ADCY8: variants seen among roughly 807,000 people sequenced by gnomAD.
ADCY8 encodes the protein adenylate cyclase type 8.
In ADCY8, 51 loss-of-function variants were observed where a neutral mutation model predicts 119.7. The observed-to-expected ratio is 0.43, with a 90% confidence interval of 0.34 to 0.54. ADCY8 has a LOEUF of 0.54. ADCY8 is among the 20% of genes least tolerant of loss of function. ADCY8 has a pLI of 0.03. For missense variants in ADCY8, 1,383 were observed against 1,598.8 expected, an observed-to-expected ratio of 0.87 and a Z score of 2.30; for synonymous variants, 665 against 651.0, an observed-to-expected ratio of 1.02 and a Z score of -0.33.
At chr8:130,876,372 C>G (rs1818566053) in intron 8 of ADCY8, among the ~76,000 whole-genome samples, 1 of 152,040 alleles carries the variant, frequency 6.6e-6, no homozygotes, top group Non-Finnish European at 1.5e-5. Context: ...TTCTGGGAGG[C>G]TATTTCTGGC....
At position 130,780,579 on chromosome 8, in the gene ADCY8, C is replaced by G. The variant is rs765782348; in HGVS notation, c.3567G>C (p.Gln1189His). ...FILPPRRLPG[Q>H]YSLAAVVLGL... ...CCAGGACAACCGCGGCCAGGGAGTACTGCCCAGGCAGTCTTCTTGGGGGCA... is the reference window on the plus strand; with the variant it reads ...CCAGGACAACCGCGGCCAGGGAGTAGTGCCCAGGCAGTCTTCTTGGGGGCA... The change falls in exon 18 of 18, where the codon CAG (glutamine) becomes CAC (histidine). Residue 1189 changes from glutamine to histidine, a missense_variant. Around this residue, in one of 2 missense-constraint regions of ADCY8, gnomAD observed 928 missense variants for 1,163.5 expected, o/e 0.80. Transcript: ENST00000286355. 1 of 1,614,194 alleles carries G rather than the reference C, an allele frequency of 6.2e-7. No individual in the cohort carries two copies. The highest frequency in any genetic ancestry group is 8.5e-7 in the Non-Finnish European group (1 of 1,180,022).
rs546054280 is a variant in ADCY8, at chr8:130,887,917, A to G, written c.1912-3156T>C. Among the ~76,000 whole-genome samples the G allele has an allele frequency of 3.3e-5, 5 of 152,282 alleles. No individual in the cohort carries two copies. The South Asian group carries it at 6.2e-4, about 19-fold the overall frequency. ...TTTGTAATCAGTAGTGGAGACAGGTATAACTTGTCTTATTTGTCTATTTAG... is the reference window on the plus strand; with the variant it reads ...TTTGTAATCAGTAGTGGAGACAGGTGTAACTTGTCTTATTTGTCTATTTAG... On this transcript the variant is annotated intron_variant, in intron 7 of 17. Coordinates refer to ENST00000286355, the MANE Select transcript of ADCY8 (RefSeq NM_001115.3).
intron 14 of ADCY8, among the ~76,000 whole-genome samples, chr8:130,804,608 C>A (rs1326264870): frequency 2.6e-5 from 4 of 152,182 alleles, no homozygotes; most frequent in African/African-American, 7.2e-5. Context: ...TGTAATTATG[C>A]AGTCCAGATC....
chr8:130,896,492 A>G (rs563416918), intron 7 of ADCY8, among the ~76,000 whole-genome samples: 94 of 152,302 alleles, frequency 6.2e-4, no homozygotes, highest in Non-Finnish European at 9.4e-4. Flanking sequence ...CTTTAGGGGC[A>G]GAAAGAAGAA....
Position 130,884,614 on chromosome 8 carries a change from G to T in ADCY8, c.2059C>A (p.His687Asn). The T allele has an allele frequency of 6.2e-7, 1 of 1,613,762 alleles. No individual in the cohort carries two copies. Among genetic ancestry groups the T allele is most frequent in the African/African-American group, 1.3e-5 (1 of 74,992 alleles). The change falls in exon 8 of 18, where the codon CAT becomes AAT. Residue 687 changes from histidine (H) to asparagine (N), a missense_variant. Physicochemically the swap from His to Asn is moderately conservative, Grantham distance 68. Coordinates refer to ENST00000286355, the MANE Select transcript of ADCY8 (RefSeq NM_001115.3). ...AACATCAGTGAGAATGGCTTGATATGCTCTCTTCTCAATTTATCGCCACTC... is the reference window on the plus strand; with the variant it reads ...AACATCAGTGAGAATGGCTTGATATTCTCTCTTCTCAATTTATCGCCACTC... The part of the protein sequence containing the change: ...LRSGDKLRRE[H>N]IKPFSLMFKD...
At chr8:130,930,125 A>G (rs1344766114) in intron 5 of ADCY8, among the ~76,000 whole-genome samples, 1 of 152,192 alleles carries the variant, frequency 6.6e-6, no homozygotes, top group African/African-American at 2.4e-5. Context: ...ATGCATTTAC[A>G]TTACATGTAG....
chr8:131,017,212 G>A (rs1220320090), intron 1 of ADCY8, among the ~76,000 whole-genome samples: 1 of 152,114 alleles, frequency 6.6e-6, no homozygotes, highest in Non-Finnish European at 1.5e-5. Context: ...TGGGACTACA[G>A]GCATGTGCCA....
chr8:130,942,468 A>T (rs1425332592), intron 4 of ADCY8, among the ~76,000 whole-genome samples: 1 of 152,184 alleles, frequency 6.6e-6, no homozygotes, highest in East Asian at 1.9e-4. Context: ...CCAGGAAGGG[A>T]GGAGGTGTGT....
chr8:131,011,470 C>T (rs933824292), intron 1 of ADCY8, among the ~76,000 whole-genome samples: 2 of 152,094 alleles, frequency 1.3e-5, no homozygotes, highest in Non-Finnish European at 2.9e-5. Flanking sequence ...TGGACCTGGG[C>T]CAGCAGGTCA....
chr8:130,905,847 GAGA>G (rs1717154845), intron 6 of ADCY8, among the ~76,000 whole-genome samples: 2 of 152,166 alleles, frequency 1.3e-5, no homozygotes, highest in Non-Finnish European at 2.9e-5. Context: ...AGGACAAAGT[GAGA>G]CCCTGTCTTA....
At chr8:130,957,990 G>A (rs1821482776) in intron 2 of ADCY8, among the ~76,000 whole-genome samples, 1 of 152,206 alleles carries the variant, frequency 6.6e-6, no homozygotes, top group Admixed American at 6.5e-5. Flanking sequence ...GGGGTCAGAG[G>A]CCCAACACAG....
chr8:130,984,759 G>A (rs763773860), intron 2 of ADCY8, among the ~76,000 whole-genome samples: 18 of 152,196 alleles, frequency 1.2e-4, no homozygotes, highest in East Asian at 3.8e-4. Flanking sequence ...AGGTACAAGC[G>A]TGTATCACAG....
rs139890239 is a variant in ADCY8 at position 130,956,368 on chromosome 8, G to A, written c.1111-4370C>T. Among the ~76,000 whole-genome samples the A allele has an allele frequency of 1.6e-4, 25 of 152,280 alleles. 1 individual carries two copies. The highest frequency in any genetic ancestry group is 4.1e-4 in the African/African-American group (17 of 41,558). ...AACTGAGCACAGGTCACTACAATGC[G>A]TGCTACTGTTCTTCTGTCCTTAAAT... On this transcript the variant is annotated intron_variant, in intron 2 of 17. Coordinates refer to ENST00000286355, the MANE Select transcript of ADCY8 (RefSeq NM_001115.3).
chr8:130,925,786 T>G (rs997742075), intron 5 of ADCY8, among the ~76,000 whole-genome samples: 14 of 152,208 alleles, frequency 9.2e-5, no homozygotes, highest in African/African-American at 3.4e-4. Context: ...GTCTGTTGGG[T>G]GACTCTTGGA....
In ADCY8 at chr8:130,839,757, G is replaced by A. The variant is rs191633589; in HGVS notation, c.2503-3308C>T. ...CCCTAAATGGATCCTGGGTATAAGG[G>A]GCTCATAGGTATAGTAGGACAGAGT... On this transcript the variant is annotated intron_variant, in intron 11 of 17. Coordinates refer to ENST00000286355, the MANE Select transcript of ADCY8 (RefSeq NM_001115.3). Among the ~76,000 whole-genome samples, 35 of 139,898 alleles carry A rather than the reference G, an allele frequency of 2.5e-4. 5 individuals carry two copies. The highest frequency in any genetic ancestry group is 5.3e-4 in the Non-Finnish European group (33 of 61,756). 91.8% of individuals were successfully genotyped at this position (139,898 alleles called of 152,430 possible).
intron 14 of ADCY8, among the ~76,000 whole-genome samples, chr8:130,811,356 G>A (rs1816159221): frequency 6.6e-6 from 1 of 152,104 alleles, no homozygotes; most frequent in Admixed American, 6.6e-5. Context: ...TGCTTTTAGG[G>A]GCGCTACAGG....
At chr8:131,005,855 C>T (rs536746118) in intron 1 of ADCY8, among the ~76,000 whole-genome samples, 81 of 152,308 alleles carry the variant, frequency 5.3e-4, no homozygotes, top group African/African-American at 1.8e-3. Context: ...CTTCATCAAG[C>T]CTTGTGGCTC....
chr8:130,940,828 C>A (rs1174659975), intron 4 of ADCY8, among the ~76,000 whole-genome samples: 1 of 152,122 alleles, frequency 6.6e-6, no homozygotes. Context: ...TTATCAAAAT[C>A]TTGGAAAATT....
chr8:130,918,380 A>G (rs2130574021), intron 5 of ADCY8, among the ~76,000 whole-genome samples: 1 of 152,266 alleles, frequency 6.6e-6, no homozygotes. Flanking sequence ...TTTAAACCTA[A>G]TTAGATCCCA....
Sources: gnomAD v4.1 joint callset for allele counts (sites outside exome capture counted in the v4.1 genomes callset) on GRCh38, gnomAD v4.1.1 for gene constraint, gnomAD v4.1.1 regional missense constraint, MANE v1.5 for transcripts, NCBI Gene and HGNC (gene_info 2026-07-23, HGNC 2026-07-21) for gene names.